The following ABCA4 variants were observed in gnomAD, a reference collection of about 807,000 sequenced individuals.
The protein encoded by ABCA4 is retinal-specific phospholipid-transporting ATPase ABCA4.
ABCA4 carries 196 observed loss-of-function variants against 263.7 expected under a neutral mutation model. The ratio of observed to expected loss-of-function variants is 0.74; its 90% CI spans 0.66 to 0.84. The LOEUF is 0.84. ABCA4 is among the 40% of genes least tolerant of loss of function. The pLI is 0.00. For synonymous variants in ABCA4, 1,133 were observed against 1,094.2 expected (o/e 1.04, Z -0.70); for missense variants, 2,792 against 2,855.1 (o/e 0.98, Z 0.50).
intron 5 of ABCA4, 144 bp from the exon 6 acceptor site, chr1:94,099,135 A>C: frequency 1.0e-6 from 1 of 961,870 alleles, no homozygotes; most frequent in South Asian, 1.4e-5. Context: ...TGATTAGCTG[A>C]TTTTAAAATA....
intron 23 of ABCA4, 84 bp downstream of exon 23, chr1:94,041,125 T>A (rs1162956777): frequency 1.4e-6 from 2 of 1,404,712 alleles, no homozygotes; most frequent in African/African-American, 2.8e-5. Flanking sequence ...AGAGCCTGTG[T>A]GAGTAGCCAT....
chr1:94,091,577 T>TCA (rs1491361851), intron 6 of ABCA4, among the ~76,000 whole-genome samples: 2 of 109,090 alleles, frequency 1.8e-5, no homozygotes, highest in South Asian at 6.6e-4. Context: ...GCAAACATCA[T>TCA]CTCACACACA....
At chr1:93,995,536 A>G (rs966028372) in intron 49 of ABCA4, among the ~76,000 whole-genome samples, 5 of 152,282 alleles carry the variant, frequency 3.3e-5, no homozygotes, top group African/African-American at 1.2e-4. Flanking sequence ...CTATTCCAAG[A>G]GTTATCACAA....
In ABCA4 at chr1:93,993,159, G is replaced by A; in HGVS notation, c.*78C>T. 1 of 1,583,862 alleles carries A rather than the reference G, an allele frequency of 6.3e-7. No individual in the cohort carries two copies. On this transcript the variant is annotated 3_prime_UTR_variant, in exon 50 of 50. Transcript: ENST00000370225. ...TTTACGCTGGCCAGTCCATTTGGAT[G>A]ACCATATGGGCACAGGCTCCTGCGC...
chr1:94,076,230 A>G (rs536089647), intron 11 of ABCA4, among the ~76,000 whole-genome samples: 12 of 152,322 alleles, frequency 7.9e-5, no homozygotes, highest in South Asian at 2.1e-4. Context: ...GAGCCAGACC[A>G]ACAGGGAAAC....
chr1:94,097,687 G>A (rs541415541), intron 6 of ABCA4, among the ~76,000 whole-genome samples: 35 of 152,166 alleles, frequency 2.3e-4, no homozygotes, highest in Non-Finnish European at 4.3e-4. Context: ...CACAGTGATT[G>A]GGGGTGGGGA....
chr1:94,024,955 T>G lies in ABCA4; in HGVS notation c.4633A>C (p.Ser1545Arg), dbSNP rs1659997169. ...AAGCATAAAAGGATTTCTTCTTACCTGCTTCTTATAAGAGCAGGATACGTT... is the reference window on the plus strand; with the variant it reads ...AAGCATAAAAGGATTTCTTCTTACCGGCTTCTTATAAGAGCAGGATACGTT... ...VKTYPALIRS[S>R]LKSKFWVNEQ... Residue 1545 changes from serine (S) to arginine (R), a missense_variant and splice_region_variant, in exon 31 of 50, where the codon AGC becomes CGC. Physicochemically the swap from Ser to Arg is moderately radical, Grantham distance 110. Transcript: ENST00000370225. 1 of 1,611,978 alleles carries G rather than the reference T, an allele frequency of 6.2e-7. No homozygotes were observed. The highest frequency in any genetic ancestry group is 1.7e-5 in the Admixed American group (1 of 60,006).
chr1:94,044,366 G>A (rs996236107), intron 20 of ABCA4, among the ~76,000 whole-genome samples: 10 of 152,168 alleles, frequency 6.6e-5, no homozygotes, highest in Non-Finnish European at 1.2e-4. Flanking sequence ...CTGTCAGAGC[G>A]AAGGCAGCCT....
chr1:94,077,672 G>A lies in ABCA4; in HGVS notation c.1554+18C>T. 1 of 1,599,276 alleles carries A rather than the reference G, an allele frequency of 6.3e-7. No homozygotes were observed. The highest frequency in any genetic ancestry group is 8.5e-7 in the Non-Finnish European group (1 of 1,172,266). ...GGCTATCTTCAAGGGGCCCACTGTG[G>A]GGCTTGCAGCCCCTTACCTCCAGGT... On this transcript the variant is annotated intron_variant, in intron 11 of 49. Coordinates refer to ENST00000370225, the MANE Select transcript of ABCA4 (RefSeq NM_000350.3).
At chr1:94,081,216 C>T (rs1661692605) in intron 7 of ABCA4, among the ~76,000 whole-genome samples, 1 of 151,972 alleles carries the variant, frequency 6.6e-6, no homozygotes, top group South Asian at 2.1e-4. Context: ...CTGAGCAATA[C>T]TCCGTCTCAA....
chr1:94,001,128 G>T (rs1024691631), intron 45 of ABCA4, 23 bp from the exon 46 acceptor site: 3 of 1,593,502 alleles, frequency 1.9e-6, no homozygotes, highest in Non-Finnish European at 2.6e-6. Flanking sequence ...GAGAAGGTTG[G>T]GGGCACAGGC....
At position 93,998,111 on chromosome 1, in the gene ABCA4, C is replaced by G. The variant is rs2100988422; in HGVS notation, c.6480-1G>C. 1 of 1,614,150 alleles carries G rather than the reference C, an allele frequency of 6.2e-7. No individual in the cohort carries two copies. Among genetic ancestry groups the G allele is most frequent in the Non-Finnish European group, 8.5e-7 (1 of 1,180,024 alleles). On this transcript the variant is annotated splice_acceptor_variant, in intron 47 of 49. Transcript: ENST00000370225. LOFTEE classifies it high-confidence loss of function. ...TGTGACGATATAGCCATCTCCAAAT[C>G]TAGGGGATGCACACAGTGCAGGACA...
chr1:94,057,400 G>T (rs1373376155), intron 14 of ABCA4, among the ~76,000 whole-genome samples: 2 of 152,232 alleles, frequency 1.3e-5, no homozygotes, highest in African/African-American at 4.8e-5. Context: ...AAGGGAGGAA[G>T]ACCTGGGTAG....
chr1:94,101,200 C>T (rs182539527), intron 5 of ABCA4, among the ~76,000 whole-genome samples: 2 of 152,204 alleles, frequency 1.3e-5, no homozygotes, highest in African/African-American at 4.8e-5. Flanking sequence ...GAAATTTCCC[C>T]GAAATTCCTG....
intron 11 of ABCA4, among the ~76,000 whole-genome samples, chr1:94,066,168 T>C (rs968586932): frequency 7.2e-5 from 11 of 152,202 alleles, no homozygotes; most frequent in Non-Finnish European, 1.3e-4. Flanking sequence ...GTTAGCACAG[T>C]CCCTGACCAT....
At position 94,005,438 on chromosome 1, in the gene ABCA4, C is replaced by T. The variant is rs773232884; in HGVS notation, c.6147+3G>A. The T allele has an allele frequency of 1.9e-6, 3 of 1,613,982 alleles. No homozygotes were observed. In the South Asian group the frequency reaches 3.3e-5, roughly 18 times the overall value. ...TATGTGGCCACAACAAAACATTTTTCACCTTTTCGATTTCTTCTGCTGGTA... is the reference window on the plus strand; with the variant it reads ...TATGTGGCCACAACAAAACATTTTTTACCTTTTCGATTTCTTCTGCTGGTA... On this transcript the variant is annotated splice_donor_region_variant and intron_variant, in intron 44 of 49. Transcript: ENST00000370225.
At chr1:94,080,790 C>T in intron 7 of ABCA4, 72 bp from the exon 8 acceptor site, 1 of 1,598,788 alleles carries the variant, frequency 6.3e-7, no homozygotes. Flanking sequence ...GCCAATGCTC[C>T]AACGTTTGGT....
At chr1:94,041,180 C>G in intron 23 of ABCA4, 29 bp downstream of exon 23, 1 of 1,612,968 alleles carries the variant, frequency 6.2e-7, no homozygotes. Context: ...CTCACCCAGG[C>G]CAGGGTCCTT....
intron 13 of ABCA4, among the ~76,000 whole-genome samples, chr1:94,062,308 C>A (rs1238239269): frequency 6.6e-6 from 1 of 152,176 alleles, no homozygotes; most frequent in Non-Finnish European, 1.5e-5. Flanking sequence ...CCCAGCCTCA[C>A]TTTCCTTGCT....
Sources: allele counts gnomAD v4.1 joint callset (sites outside exome capture counted in the v4.1 genomes callset), GRCh38; gene constraint gnomAD v4.1.1; transcripts MANE v1.5; gene names NCBI Gene and HGNC (gene_info 2026-07-23, HGNC 2026-07-21).